PCDHA1: variants seen among roughly 807,000 people sequenced by gnomAD.
PCDHA1 encodes the protein protocadherin alpha 1.
PCDHA1 carries 42 observed loss-of-function variants against 61.3 expected under a neutral mutation model. The ratio of observed to expected loss-of-function variants is 0.69; its 90% CI spans 0.54 to 0.89. The LOEUF (loss-of-function observed/expected upper bound fraction) is 0.89. Ranked by LOEUF, PCDHA1 falls within the 40% of genes least tolerant of loss-of-function variation. The pLI is 0.00. For missense variants in PCDHA1, 1,256 were observed against 1,235.3 expected (o/e 1.02, Z -0.25); for synonymous variants, 610 against 553.8 (o/e 1.10, Z -1.43).
intron 1 of PCDHA1, chr5:140,795,291 C>G (rs1554119350): frequency 6.2e-7 from 1 of 1,614,092 alleles, no homozygotes; most frequent in Non-Finnish European, 8.5e-7. Flanking sequence ...TGGAGGTGAT[C>G]GTGGACAGGC....
chr5:140,801,300 G>A (rs1554121379), intron 1 of PCDHA1: 1 of 1,613,456 alleles, frequency 6.2e-7, no homozygotes, highest in Non-Finnish European at 8.5e-7. Flanking sequence ...CCACTACTCC[G>A]TCTCTGAGGA....
At position 140,795,501 on chromosome 5, in the gene PCDHA1, C is replaced by T. The variant is rs782409191; in HGVS notation, c.2394+6817C>T. On this transcript the variant is annotated intron_variant, in intron 1 of 3. Coordinates refer to ENST00000504120, the MANE Select transcript of PCDHA1 (RefSeq NM_018900.4). Reference sequence around the variant, plus strand: ...AGCTCAGCTCCAGTGAGTTTTTCTTCCTAGATATACAGGCAAATGATGAAC... The same window carrying T: ...AGCTCAGCTCCAGTGAGTTTTTCTTTCTAGATATACAGGCAAATGATGAAC... 6 of 1,613,986 alleles carry T rather than the reference C, an allele frequency of 3.7e-6. No homozygotes were observed. The African/African-American group carries it at 8.0e-5, about 22-fold the overall frequency.
rs367948106 is a variant in PCDHA1 at position 140,876,049 on chromosome 5, G to A, written c.2394+87365G>A. On this transcript the variant is annotated intron_variant, in intron 1 of 3. Coordinates refer to ENST00000504120, the MANE Select transcript of PCDHA1 (RefSeq NM_018900.4). Reference sequence around the variant, plus strand: ...AAAAAAAGATAAAAGTATATTGCCTGAATTAGTTCTTCGGAAGTTATTGGA... The same window carrying A: ...AAAAAAAGATAAAAGTATATTGCCTAAATTAGTTCTTCGGAAGTTATTGGA... The A allele has an allele frequency of 3.6e-4, 586 of 1,613,784 alleles. No individual in the cohort carries two copies. The highest frequency in any genetic ancestry group is 4.9e-4 in the Non-Finnish European group (575 of 1,179,896).
chr5:140,967,332 C>G, intron 1 of PCDHA1: 2 of 1,608,024 alleles, frequency 1.2e-6, no homozygotes, highest in Non-Finnish European at 1.7e-6. Context: ...GAGCTCAGCC[C>G]CAGCGAGCAC....
At chr5:140,913,810 T>C (rs2076475017) in intron 1 of PCDHA1, among the ~76,000 whole-genome samples, 1 of 152,224 alleles carries the variant, frequency 6.6e-6, no homozygotes, top group South Asian at 2.1e-4. Context: ...AAATTTTCAA[T>C]TTCCTTTTAA....
intron 1 of PCDHA1, among the ~76,000 whole-genome samples, chr5:140,897,014 A>G (rs545411496): frequency 1.3e-3 from 202 of 152,284 alleles, no homozygotes; most frequent in Non-Finnish European, 2.0e-3. Context: ...TAAATATACA[A>G]CTAAATTATT....
intron 1 of PCDHA1, chr5:140,822,063 G>A (rs1581778547): frequency 1.2e-6 from 2 of 1,614,230 alleles, no homozygotes; most frequent in East Asian, 2.2e-5. Flanking sequence ...AGCTGTGCCG[G>A]CGGAGGGCGG....
chr5:140,828,235 C>A, intron 1 of PCDHA1: 1 of 1,613,970 alleles, frequency 6.2e-7, no homozygotes, highest in East Asian at 2.2e-5. Context: ...TGGGCCGGAT[C>A]GCGCAGGACC....
At chr5:140,861,018 C>A (rs1263823889) in intron 1 of PCDHA1, 4 of 152,248 alleles carry the variant, frequency 2.6e-5, no homozygotes, top group Non-Finnish European at 4.4e-5. Flanking sequence ...CGAGTGCCAC[C>A]GCACCCGGCC....
chr5:140,884,346 T>G (rs1487079029), intron 1 of PCDHA1: 1 of 1,613,896 alleles, frequency 6.2e-7, no homozygotes, highest in Non-Finnish European at 8.5e-7. Flanking sequence ...GAAGCGGCGC[T>G]GGTGGATGTC....
At chr5:140,801,666 G>T in intron 1 of PCDHA1, 4 of 1,614,152 alleles carry the variant, frequency 2.5e-6, no homozygotes, top group Non-Finnish European at 1.7e-6. Context: ...GCTAGAGGGC[G>T]CATCAGATGC....
intron 1 of PCDHA1, among the ~76,000 whole-genome samples, chr5:140,874,119 G>C (rs1256177133): frequency 6.6e-6 from 1 of 152,064 alleles, no homozygotes; most frequent in Non-Finnish European, 1.5e-5. Flanking sequence ...ACGTTTTATA[G>C]TTTATTTAAG....
At chr5:140,882,776 T>C in intron 1 of PCDHA1, 2 of 1,614,252 alleles carry the variant, frequency 1.2e-6, no homozygotes, top group Non-Finnish European at 1.7e-6. Context: ...GGCATTGACC[T>C]ACCGACTGGA....
intron 1 of PCDHA1, chr5:140,848,452 T>C (rs1402263047): frequency 1.3e-6 from 2 of 1,520,140 alleles, no homozygotes; most frequent in Non-Finnish European, 1.8e-6. Flanking sequence ...TTCTTCTAAT[T>C]TGGAGGCAAT....
At chr5:140,956,924 G>A (rs2095321295) in intron 1 of PCDHA1, among the ~76,000 whole-genome samples, 2 of 151,898 alleles carry the variant, frequency 1.3e-5, no homozygotes, top group Non-Finnish European at 2.9e-5. Flanking sequence ...TAATCTTGCT[G>A]GATATAGGAT....
chr5:140,938,761 G>A (rs1414324125), intron 1 of PCDHA1, among the ~76,000 whole-genome samples: 5 of 151,992 alleles, frequency 3.3e-5, no homozygotes, highest in Non-Finnish European at 7.4e-5. Flanking sequence ...CATAGTTATT[G>A]GGTACTAGAC....
chr5:140,873,292 T>C (rs1399834963), intron 1 of PCDHA1, among the ~76,000 whole-genome samples: 1 of 152,210 alleles, frequency 6.6e-6, no homozygotes, highest in Admixed American at 6.5e-5. Context: ...TATGAAACTT[T>C]ATAAATATAA....
chr5:140,842,275 C>A, intron 1 of PCDHA1: 2 of 1,610,286 alleles, frequency 1.2e-6, no homozygotes, highest in Non-Finnish European at 8.5e-7. Flanking sequence ...TATACAAAAT[C>A]CTCATTGACG....
intron 1 of PCDHA1, among the ~76,000 whole-genome samples, chr5:140,951,791 A>T (rs375226786): frequency 1.3e-5 from 2 of 152,228 alleles, no homozygotes; most frequent in Non-Finnish European, 2.9e-5. Context: ...AAATACAATT[A>T]TCCCTTCCCA....
Sources: allele counts gnomAD v4.1 joint callset (sites outside exome capture counted in the v4.1 genomes callset), GRCh38; gene constraint gnomAD v4.1.1; transcripts MANE v1.5; gene names NCBI Gene and HGNC (gene_info 2026-07-23, HGNC 2026-07-21).